TACR3: variants seen among roughly 807,000 people sequenced by gnomAD.
TACR3 encodes tachykinin receptor 3.
A neutral mutation model predicts 35.0 loss-of-function variants in TACR3; 34 were observed. That is an observed-to-expected ratio of 0.97 (90% CI 0.74 to 1.30). The LOEUF (loss-of-function observed/expected upper bound fraction) is 1.30. Among genes scored for constraint, TACR3 ranks in the 50% most tolerant of loss-of-function variants. TACR3 has a pLI of 0.00. For synonymous variants in TACR3, 233 were observed against 221.1 expected (o/e 1.05, Z -0.48); for missense variants, 558 against 591.7 (o/e 0.94, Z 0.59).
At chr4:103,631,232 C>T (rs563024173) in intron 3 of TACR3, among the ~76,000 whole-genome samples, 8 of 152,048 alleles carry the variant, frequency 5.3e-5, no homozygotes, top group African/African-American at 1.2e-4. Context: ...ATGTAAATGA[C>T]GAGTTGATGA....
intron 3 of TACR3, among the ~76,000 whole-genome samples, chr4:103,629,917 T>A (rs1172423581): frequency 1.4e-5 from 2 of 140,882 alleles, no homozygotes; most frequent in Admixed American, 7.0e-5. Context: ...GCTGGAGGCA[T>A]CACGCTACTT....
At chr4:103,683,624 AT>A (rs199814935) in intron 1 of TACR3, among the ~76,000 whole-genome samples, 3,291 of 152,124 alleles carry the variant, frequency 0.022, 49 homozygotes, top group Middle Eastern at 0.054. Context: ...GTTTCTTAAT[AT>A]GTGCAAACTA....
intron 3 of TACR3, among the ~76,000 whole-genome samples, chr4:103,635,051 AC>A (rs951532273): frequency 6.6e-6 from 1 of 151,944 alleles, no homozygotes; most frequent in African/African-American, 2.4e-5. Context: ...TGCTTGCCTC[AC>A]CATTTGATGT....
At chr4:103,679,506 GC>G in intron 1 of TACR3, among the ~76,000 whole-genome samples, 1 of 151,916 alleles carries the variant, frequency 6.6e-6, no homozygotes, top group East Asian at 1.9e-4. Context: ...GGTGCAAAGA[GC>G]TCCCACATCA....
chr4:103,657,731 A>G (rs1725760208), intron 2 of TACR3, among the ~76,000 whole-genome samples: 1 of 152,078 alleles, frequency 6.6e-6, no homozygotes, highest in South Asian at 2.1e-4. Context: ...TTCCTTTTCA[A>G]TCTAGTGTTC....
chr4:103,717,191 C>G (rs1271554297), intron 1 of TACR3, among the ~76,000 whole-genome samples: 1 of 151,554 alleles, frequency 6.6e-6, no homozygotes, highest in Non-Finnish European at 1.5e-5. Context: ...CTTTTTGATT[C>G]TAAAAACTAT....
chr4:103,607,205 A>G (rs1186074033), intron 3 of TACR3, among the ~76,000 whole-genome samples: 1 of 152,176 alleles, frequency 6.6e-6, no homozygotes, highest in Non-Finnish European at 1.5e-5. Flanking sequence ...TGTAACAGAT[A>G]TGCGGTATTG....
chr4:103,602,159 T>C (rs1724222262), intron 3 of TACR3, among the ~76,000 whole-genome samples: 1 of 152,220 alleles, frequency 6.6e-6, no homozygotes, highest in African/African-American at 2.4e-5. Flanking sequence ...CTGATACCCT[T>C]TCTTCCAGTT....
At chr4:103,690,338 G>A (rs1180847851) in intron 1 of TACR3, among the ~76,000 whole-genome samples, 2 of 151,980 alleles carry the variant, frequency 1.3e-5, no homozygotes, top group Non-Finnish European at 2.9e-5. Context: ...GAGTAAATGA[G>A]TAAAAATACA....
chr4:103,704,791 TC>T (rs1234335520), intron 1 of TACR3, among the ~76,000 whole-genome samples: 1 of 152,058 alleles, frequency 6.6e-6, no homozygotes, highest in African/African-American at 2.4e-5. Flanking sequence ...CACTATCCTC[TC>T]CCCGACTATC....
At chr4:103,607,003 C>T (rs1724388159) in intron 3 of TACR3, among the ~76,000 whole-genome samples, 1 of 152,036 alleles carries the variant, frequency 6.6e-6, no homozygotes, top group African/African-American at 2.4e-5. Flanking sequence ...CCCATCAATA[C>T]CTAATTTATT....
At chr4:103,591,983 C>T (rs760484869) in intron 3 of TACR3, among the ~76,000 whole-genome samples, 8 of 152,080 alleles carry the variant, frequency 5.3e-5, no homozygotes, top group Non-Finnish European at 7.4e-5. Context: ...CCCAGAGAGC[C>T]TGGAACAGAG....
intron 1 of TACR3, among the ~76,000 whole-genome samples, chr4:103,684,216 G>A (rs1250725668): frequency 6.6e-6 from 1 of 152,074 alleles, no homozygotes; most frequent in African/African-American, 2.4e-5. Context: ...TGCTAAAAGT[G>A]CAGTAAGTCA....
At chr4:103,686,371 C>A (rs781400848) in intron 1 of TACR3, among the ~76,000 whole-genome samples, 17 of 152,048 alleles carry the variant, frequency 1.1e-4, no homozygotes, top group Non-Finnish European at 2.1e-4. Context: ...ATTGAACAAC[C>A]ACTAACTAAG....
At chr4:103,719,070 C>T in intron 1 of TACR3, 58 bp downstream of exon 1, 1 of 1,605,118 alleles carries the variant, frequency 6.2e-7, no homozygotes. Flanking sequence ...TCTTATCCCA[C>T]CGCCCAGTTC....
intron 1 of TACR3, among the ~76,000 whole-genome samples, chr4:103,693,070 C>A (rs1335315611): frequency 3.9e-5 from 6 of 152,124 alleles, no homozygotes; most frequent in Admixed American, 3.9e-4. Flanking sequence ...GACAGAATTG[C>A]TAAATATCCT....
intron 3 of TACR3, among the ~76,000 whole-genome samples, chr4:103,652,791 T>C (rs975130182): frequency 3.3e-5 from 5 of 152,008 alleles, no homozygotes; most frequent in African/African-American, 9.7e-5. Flanking sequence ...ATCTGTAATA[T>C]CAAAGATATA....
intron 1 of TACR3, among the ~76,000 whole-genome samples, chr4:103,718,186 T>C (rs1043627091): frequency 3.3e-5 from 5 of 152,198 alleles, no homozygotes; most frequent in African/African-American, 1.2e-4. Flanking sequence ...TTGATATGTT[T>C]GTTAATGTTT....
At chr4:103,679,618 G>A (rs940910749) in intron 1 of TACR3, among the ~76,000 whole-genome samples, 1 of 151,916 alleles carries the variant, frequency 6.6e-6, no homozygotes, top group Non-Finnish European at 1.5e-5. Context: ...GGGGAGAGGA[G>A]ATGGTATGAA....
Sources: allele counts gnomAD v4.1 joint callset (sites outside exome capture counted in the v4.1 genomes callset), GRCh38; gene constraint gnomAD v4.1.1; transcripts MANE v1.5; gene names NCBI Gene and HGNC (gene_info 2026-07-23, HGNC 2026-07-21).